Variants in RASAL2 observed in about 807,000 individuals in gnomAD.
The protein encoded by RASAL2 is RAS protein activator like 2.
RASAL2 carries 58 observed loss-of-function variants against 128.9 expected under a neutral mutation model. The observed-to-expected ratio is 0.45, with a 90% CI of 0.36 to 0.56. The LOEUF (loss-of-function observed/expected upper bound fraction) is 0.56. Among genes scored for constraint, RASAL2 ranks in the 20% least tolerant of loss-of-function variants. The pLI is 0.00. For synonymous variants in RASAL2, 561 were observed against 580.8 expected (o/e 0.97, Z 0.49); for missense variants, 1,360 against 1,601.6 (o/e 0.85, Z 2.57).
intron 1 of RASAL2, among the ~76,000 whole-genome samples, chr1:178,186,736 G>A (rs1662315828): frequency 6.6e-6 from 1 of 151,970 alleles, no homozygotes; most frequent in South Asian, 2.1e-4. Context: ...GTTTTATCCT[G>A]CATGGGATTT....
chr1:178,174,418 T>C (rs1181631602), intron 1 of RASAL2, among the ~76,000 whole-genome samples: 2 of 152,086 alleles, frequency 1.3e-5, no homozygotes, highest in Admixed American at 1.3e-4. Context: ...AGCTGGAAAA[T>C]TTAAAAAGCT....
chr1:178,109,910 T>G (rs1291972984), intron 1 of RASAL2, among the ~76,000 whole-genome samples: 1 of 152,046 alleles, frequency 6.6e-6, no homozygotes, highest in Non-Finnish European at 1.5e-5. Context: ...CCTAGCTACT[T>G]GGGAGGCTGA....
At chr1:178,391,884 A>G (rs991241546) in intron 4 of RASAL2, among the ~76,000 whole-genome samples, 2 of 152,142 alleles carry the variant, frequency 1.3e-5, no homozygotes, top group Non-Finnish European at 2.9e-5. Context: ...TGTCATTGCT[A>G]TGGTGAGCAG....
intron 1 of RASAL2, among the ~76,000 whole-genome samples, chr1:178,097,804 T>C (rs1254532007): frequency 6.6e-6 from 1 of 152,126 alleles, no homozygotes; most frequent in African/African-American, 2.4e-5. Context: ...CTAGGCACTG[T>C]TTTGAGTTTC....
intron 2 of RASAL2, among the ~76,000 whole-genome samples, chr1:178,290,762 G>A (rs1358221836): frequency 6.6e-6 from 1 of 151,828 alleles, no homozygotes; most frequent in Non-Finnish European, 1.5e-5. Flanking sequence ...TGCAAGCTCC[G>A]CCTCCTGGGT....
In RASAL2 at chr1:178,213,025, G is replaced by A. The variant is rs142816009; in HGVS notation, c.203-70539G>A. Among the ~76,000 whole-genome samples, 20 of 152,074 alleles carry A rather than the reference G, an allele frequency of 1.3e-4. No individual in the cohort carries two copies. The East Asian group carries it at 3.7e-3, about 28-fold the overall frequency. On this transcript the variant is annotated intron_variant, in intron 1 of 17. Coordinates refer to ENST00000367649, the MANE Select transcript of RASAL2 (RefSeq NM_170692.4). ...CTAGGTACAACCACTTTGGAAAACT[G>A]TGTGGTTATATTCACTATTCTTTTT...
chr1:178,241,045 A>G (rs571079704), intron 1 of RASAL2, among the ~76,000 whole-genome samples: 1 of 152,118 alleles, frequency 6.6e-6, no homozygotes, highest in African/African-American at 2.4e-5. Context: ...TGCAGAATAT[A>G]AAGTATGAGG....
At chr1:178,299,359 A>G (rs1357994584) in intron 2 of RASAL2, among the ~76,000 whole-genome samples, 1 of 152,168 alleles carries the variant, frequency 6.6e-6, no homozygotes, top group Non-Finnish European at 1.5e-5. Context: ...CTTGTGAACC[A>G]GTTTCTGATA....
intron 1 of RASAL2, among the ~76,000 whole-genome samples, chr1:178,219,220 G>A (rs1663533177): frequency 6.6e-6 from 1 of 152,170 alleles, no homozygotes; most frequent in African/African-American, 2.4e-5. Flanking sequence ...GAGAGTTAGG[G>A]CCTTGCTCTG....
chr1:178,385,591 G>A (rs1672519388), intron 3 of RASAL2, among the ~76,000 whole-genome samples: 2 of 151,610 alleles, frequency 1.3e-5, no homozygotes, highest in African/African-American at 2.4e-5. Context: ...GAGTTTATAT[G>A]TTTTGGTGCA....
chr1:178,438,929 G>C (rs1485592320), intron 5 of RASAL2, among the ~76,000 whole-genome samples: 5 of 138,812 alleles, frequency 3.6e-5, no homozygotes, highest in African/African-American at 8.2e-5. Flanking sequence ...GTGTGTGTGT[G>C]TGTTTTGCCA....
chr1:178,241,713 A>G (rs1030471280), intron 1 of RASAL2, among the ~76,000 whole-genome samples: 1 of 152,240 alleles, frequency 6.6e-6, no homozygotes, highest in Non-Finnish European at 1.5e-5. Flanking sequence ...TGCAGATGAC[A>G]TACCAACTTA....
chr1:178,167,705 C>T (rs1661565261), intron 1 of RASAL2, among the ~76,000 whole-genome samples: 1 of 152,068 alleles, frequency 6.6e-6, no homozygotes, highest in African/African-American at 2.4e-5. Flanking sequence ...CCATTGATGA[C>T]TTGCCCAACT....
At chr1:178,314,170 C>G (rs543683339) in intron 3 of RASAL2, among the ~76,000 whole-genome samples, 1 of 152,308 alleles carries the variant, frequency 6.6e-6, no homozygotes, top group Admixed American at 6.5e-5. Flanking sequence ...ACATAGGTCT[C>G]TTGTAGACTC....
chr1:178,435,360 C>G (rs1215110749), intron 5 of RASAL2, among the ~76,000 whole-genome samples: 2 of 152,074 alleles, frequency 1.3e-5, no homozygotes, highest in African/African-American at 4.8e-5. Flanking sequence ...TAAAATTGCA[C>G]TAATCAGTGT....
At chr1:178,416,641 C>T (rs908950561) in intron 4 of RASAL2, among the ~76,000 whole-genome samples, 2 of 151,992 alleles carry the variant, frequency 1.3e-5, no homozygotes, top group African/African-American at 2.4e-5. Flanking sequence ...TTTTGCAATG[C>T]TGGTCTACTG....
At chr1:178,125,301 G>A (rs1659856337) in intron 1 of RASAL2, 1 of 152,062 alleles carries the variant, frequency 6.6e-6, no homozygotes, top group Non-Finnish European at 1.5e-5. Flanking sequence ...CTTATTTTAA[G>A]TTTCTTTCAC....
intron 15 of RASAL2, 40 bp from the exon 16 acceptor site, chr1:178,465,880 T>C (rs1647629147): frequency 7.3e-7 from 1 of 1,378,020 alleles, no homozygotes; most frequent in African/African-American, 1.5e-5. Flanking sequence ...CTAAAAGCAA[T>C]GTGACTCTAG....
At chr1:178,361,354 A>G (rs1048074822) in intron 3 of RASAL2, among the ~76,000 whole-genome samples, 3 of 152,140 alleles carry the variant, frequency 2.0e-5, no homozygotes, top group Admixed American at 6.5e-5. Context: ...TGATAAATGT[A>G]TTGAACATTT....
Sources: allele counts gnomAD v4.1 joint callset (sites outside exome capture counted in the v4.1 genomes callset), GRCh38; gene constraint gnomAD v4.1.1; transcripts MANE v1.5; gene names NCBI Gene and HGNC (gene_info 2026-07-23, HGNC 2026-07-21).